The following CCDC33 variants were observed in gnomAD, a reference collection of about 807,000 sequenced individuals.
CCDC33 encodes the protein coiled-coil domain containing 33, also known as coiled-coil domain-containing protein 33.
In CCDC33, 94 loss-of-function variants were observed where a neutral mutation model predicts 91.9. The ratio of observed to expected loss-of-function variants is 1.02; its 90% CI spans 0.87 to 1.21. The LOEUF is 1.21. Among genes scored for constraint, CCDC33 ranks in the 50% most tolerant of loss-of-function variants. The pLI is 0.00. For synonymous variants in CCDC33, 396 were observed against 374.5 expected (o/e 1.06, Z -0.66); for missense variants, 940 against 935.5 (o/e 1.00, Z -0.06).
intron 3 of CCDC33, among the ~76,000 whole-genome samples, chr15:74,264,685 G>A (rs1490963090): frequency 6.6e-6 from 1 of 152,174 alleles, no homozygotes; most frequent in Admixed American, 6.5e-5. Context: ...CTACATCAGG[G>A]TTTGTGTTTG....
intron 10 of CCDC33, among the ~76,000 whole-genome samples, 175 bp from the exon 11 acceptor site, chr15:74,295,579 A>G (rs541481850): frequency 3.9e-5 from 6 of 152,240 alleles, no homozygotes; most frequent in Admixed American, 2.0e-4. Flanking sequence ...AGCAAGGGCC[A>G]TGTATTTGGG....
chr15:74,282,799 G>C (rs2059394635), intron 10 of CCDC33, among the ~76,000 whole-genome samples: 1 of 152,154 alleles, frequency 6.6e-6, no homozygotes, highest in African/African-American at 2.4e-5. Flanking sequence ...GCTACACCTG[G>C]TCTCAGCCCA....
chr15:74,240,126 G>A (rs528557295), intron 1 of CCDC33, among the ~76,000 whole-genome samples: 1 of 152,378 alleles, frequency 6.6e-6, no homozygotes, highest in East Asian at 1.9e-4. Flanking sequence ...ATGCCTGCAA[G>A]CCTCACCAGG....
Position 74,331,032 on chromosome 15 carries a change from C to T in CCDC33, c.1597C>T (p.Gln533Ter), listed in dbSNP as rs1276063471. 1 of 1,612,052 alleles carries T rather than the reference C, an allele frequency of 6.2e-7. No homozygotes were observed. The highest frequency in any genetic ancestry group is 1.7e-5 in the Admixed American group (1 of 59,806). Residue 533 changes from glutamine (Q) to a stop codon, truncating the protein, a stop_gained, in exon 14 of 19, where the codon CAG (glutamine) becomes TAG (stop). Coordinates refer to ENST00000398814, the MANE Select transcript of CCDC33 (RefSeq NM_025055.5). LOFTEE classifies it high-confidence loss of function. ...LLLLYQAQQP[Q>*]AALLKQYQGK... ...CCTTCTGTATCAGGCCCAGCAGCCA[C>T]AGGCCGCTCTGCTGAAGCAGTACCA...
chr15:74,226,902 G>A (rs2074818259), intron 2 of CCDC33, among the ~76,000 whole-genome samples: 1 of 152,114 alleles, frequency 6.6e-6, no homozygotes, highest in Non-Finnish European at 1.5e-5. Context: ...AAGTAGGGGG[G>A]AAACAGGAGG....
chr15:74,234,953 C>T (rs1266753175), upstream of CCDC33, among the ~76,000 whole-genome samples: 3 of 152,228 alleles, frequency 2.0e-5, no homozygotes, highest in Non-Finnish European at 4.4e-5. Context: ...AGCAATGGCT[C>T]CCCACCCCCT....
chr15:74,246,329 C>A lies in CCDC33; in HGVS notation c.185+2181C>A, dbSNP rs557366349. 8.5e-5 allele frequency among the ~76,000 whole-genome samples: 13 copies of A among 152,258 alleles called. No homozygotes were observed. In the South Asian group the frequency reaches 2.5e-3, roughly 29 times the overall value. Reference sequence around the variant, plus strand: ...GAATCAAAAATAAGTGAGACTGCATCAAACTGAAAAGCTTCTGCGCAGCAA... The same window carrying A: ...GAATCAAAAATAAGTGAGACTGCATAAAACTGAAAAGCTTCTGCGCAGCAA... On this transcript the variant is annotated intron_variant, in intron 2 of 18. Coordinates refer to ENST00000398814, the MANE Select transcript of CCDC33 (RefSeq NM_025055.5).
chr15:74,287,181 G>C (rs2059491747), intron 10 of CCDC33, among the ~76,000 whole-genome samples: 1 of 152,198 alleles, frequency 6.6e-6, no homozygotes, highest in Non-Finnish European at 1.5e-5. Context: ...AAGCACAGCG[G>C]CCTGAATGGG....
chr15:74,303,771 C>G (rs8027640), intron 11 of CCDC33: 2 of 152,256 alleles, frequency 1.3e-5, no homozygotes, highest in African/African-American at 2.4e-5. Context: ...CTGCAGGCCC[C>G]GAGCTGGGAG....
intron 11 of CCDC33, among the ~76,000 whole-genome samples, chr15:74,324,911 C>A (rs1220720406): frequency 6.7e-6 from 1 of 149,144 alleles, no homozygotes; most frequent in South Asian, 2.2e-4. Flanking sequence ...CCACTCCAGG[C>A]ATGCACCTCT....
At chr15:74,279,620 C>G (rs2076537312) in intron 7 of CCDC33, among the ~76,000 whole-genome samples, 1 of 152,178 alleles carries the variant, frequency 6.6e-6, no homozygotes, top group Non-Finnish European at 1.5e-5. Flanking sequence ...AGGGCAACCT[C>G]TGCCCCCCCG....
At chr15:74,282,380 C>T (rs770528512) in intron 10 of CCDC33, among the ~76,000 whole-genome samples, 4 of 152,130 alleles carry the variant, frequency 2.6e-5, no homozygotes, top group Non-Finnish European at 5.9e-5. Flanking sequence ...GGCTGTCAGC[C>T]GGGGCAGCTC....
chr15:74,227,712 G>C (rs910975008), intron 2 of CCDC33, among the ~76,000 whole-genome samples: 4 of 152,250 alleles, frequency 2.6e-5, no homozygotes, highest in African/African-American at 9.6e-5. Context: ...TTACAGTCAA[G>C]AAGGTTCAGT....
Position 74,330,760 on chromosome 15 carries a change from G to T in CCDC33, c.1545+9G>T. ...AGAATGAGCTGATTCGAGTGAGCTG[G>T]GGCTTGTGGGGGCAGAGGGGAGGGA... is the stretch of plus-strand genomic sequence containing the variant. On this transcript the variant is annotated intron_variant, in intron 13 of 18. Coordinates refer to ENST00000398814, the MANE Select transcript of CCDC33 (RefSeq NM_025055.5). 6.2e-7 allele frequency: 1 copy of T among 1,610,604 alleles called. No homozygotes were observed.
At chr15:74,303,183 T>C (rs1414099767) in intron 11 of CCDC33, 3 of 152,240 alleles carry the variant, frequency 2.0e-5, no homozygotes, top group African/African-American at 7.2e-5. Flanking sequence ...CTACCCACTT[T>C]GGTGGCAACA....
At position 74,331,230 on chromosome 15, in the gene CCDC33, G is replaced by A; in HGVS notation, c.1705G>A (p.Glu569Lys). Residue 569 changes from glutamate (E) to lysine (K), a missense_variant, in exon 15 of 19, where the codon GAG becomes AAG. Physicochemically the swap from Glu to Lys is moderately conservative, Grantham distance 56. Transcript: ENST00000398814. ...KVIEKMERVL[E>K]DRLQDRSKPP... is the part of the protein sequence containing the mutation. ...GATCGAGAAGATGGAGCGGGTGCTGGAGGACAGGCTGCAGGACAGGAGCAA... is the reference window on the plus strand; with the variant it reads ...GATCGAGAAGATGGAGCGGGTGCTGAAGGACAGGCTGCAGGACAGGAGCAA... The A allele has an allele frequency of 3.1e-6, 5 of 1,614,176 alleles. No individual in the cohort carries two copies. Among genetic ancestry groups the A allele is most frequent in the Non-Finnish European group, 4.2e-6 (5 of 1,180,006 alleles).
intron 6 of CCDC33, among the ~76,000 whole-genome samples, chr15:74,272,102 G>T (rs771769324): frequency 6.6e-6 from 1 of 152,160 alleles, no homozygotes; most frequent in Non-Finnish European, 1.5e-5. Context: ...AGAGTGTGGG[G>T]AGGACAACAA....
chr15:74,259,332 C>T (rs1193722255), intron 2 of CCDC33, among the ~76,000 whole-genome samples: 2 of 152,112 alleles, frequency 1.3e-5, no homozygotes, highest in African/African-American at 4.8e-5. Context: ...AACTCAGCCA[C>T]GTGCCCATCT....
chr15:74,275,808 T>C (rs2076434433), intron 7 of CCDC33, among the ~76,000 whole-genome samples: 1 of 152,178 alleles, frequency 6.6e-6, no homozygotes, highest in East Asian at 1.9e-4. Flanking sequence ...TATCTGGGAT[T>C]ACAGGCGAGC....
Sources: gnomAD v4.1 joint callset for allele counts (sites outside exome capture counted in the v4.1 genomes callset) on GRCh38, gnomAD v4.1.1 for gene constraint, MANE v1.5 for transcripts, NCBI Gene and HGNC (gene_info 2026-07-23, HGNC 2026-07-21) for gene names.